Variants in KIF15 observed in about 807,000 individuals in gnomAD.
KIF15 encodes the protein kinesin family member 15, also known as kinesin-like protein KIF15.
KIF15 carries 140 observed loss-of-function variants against 190.6 expected under a neutral mutation model. The ratio of observed to expected loss-of-function variants is 0.73; its 90% CI spans 0.64 to 0.84. The LOEUF is 0.84. Ranked by LOEUF, KIF15 falls within the 40% of genes least tolerant of loss-of-function variation. KIF15 has a pLI of 0.00. For missense variants in KIF15, 1,372 were observed against 1,584.4 expected, an observed-to-expected ratio of 0.87 and a Z score of 2.28; for synonymous variants, 528 against 551.3, an observed-to-expected ratio of 0.96 and a Z score of 0.59.
At chr3:44,792,900 ATACAT>A (rs1365300607) in intron 7 of KIF15, among the ~76,000 whole-genome samples, 1 of 152,134 alleles carries the variant, frequency 6.6e-6, no homozygotes, top group East Asian at 1.9e-4. Context: ...CTTCTTTTGT[ATACAT>A]TATTTTACTT....
Position 44,805,991 on chromosome 3 carries a change from G to A in KIF15, c.1971+5G>A, listed in dbSNP as rs1424724859. ...ATTCATGCTGAAACACTTAAGGTAG[G>A]TCATCTGAACAATACCTCCACCTTA... On this transcript the variant is annotated splice_donor_5th_base_variant and intron_variant, in intron 16 of 34. Transcript: ENST00000326047. 6.2e-7 allele frequency: 1 copy of A among 1,612,872 alleles called. No individual in the cohort carries two copies. The highest frequency in any genetic ancestry group is 8.5e-7 in the Non-Finnish European group (1 of 1,179,634).
At chr3:44,780,608 G>C (rs1706117156) in intron 4 of KIF15, among the ~76,000 whole-genome samples, 1 of 152,162 alleles carries the variant, frequency 6.6e-6, no homozygotes, top group Admixed American at 6.5e-5. Context: ...GCAGTATGAA[G>C]AGCATCATCC....
chr3:44,802,719 G>A (rs1206714691), intron 13 of KIF15, 95 bp from the exon 14 acceptor site: 3 of 1,255,220 alleles, frequency 2.4e-6, no homozygotes, highest in African/African-American at 3.0e-5. Context: ...AGTAGTGCAT[G>A]TGCATACCTA....
Position 44,801,955 on chromosome 3 carries a change from T to A in KIF15, c.1490T>A (p.Ile497Asn). The stretch of plus-strand genomic sequence containing the variant: ...TTGCTCTCAGAATTAAGGAATGAGA[T>A]TCAAACTCTGCGAGAACAAGTGAGT... Reference protein sequence around the residue: ...DRLLSELRNEIQTLREQIEHH... With the variant: ...DRLLSELRNENQTLREQIEHH... Residue 497 changes from isoleucine (I) to asparagine (N), a missense_variant, in exon 13 of 35, where the codon ATT becomes AAT. Coordinates refer to ENST00000326047, the MANE Select transcript of KIF15 (RefSeq NM_020242.3). 2 of 1,610,764 alleles carry A rather than the reference T, an allele frequency of 1.2e-6. No homozygotes were observed. Among genetic ancestry groups the A allele is most frequent in the Non-Finnish European group, 1.7e-6 (2 of 1,177,420 alleles).
chr3:44,866,760 A>G (rs1469423292), intron 6 of KIF15, among the ~76,000 whole-genome samples: 1 of 152,146 alleles, frequency 6.6e-6, no homozygotes, highest in African/African-American at 2.4e-5. Context: ...CACCACTCCA[A>G]CAAGAGTTCT....
At chr3:44,780,797 T>G in intron 4 of KIF15, 88 bp from the exon 5 acceptor site, 1 of 804,946 alleles carries the variant, frequency 1.2e-6, no homozygotes, top group Non-Finnish European at 2.0e-6. Context: ...TAACTTTTTG[T>G]GGAGAAAACT....
At chr3:44,849,600 A>G (rs1559595130) in intron 32 of KIF15, among the ~76,000 whole-genome samples, 2 of 152,060 alleles carry the variant, frequency 1.3e-5, no homozygotes. Flanking sequence ...AAAATTTTAC[A>G]TTTTTCCTTT....
intron 26 of KIF15, 53 bp downstream of exon 26, chr3:44,831,071 G>C: frequency 1.3e-6 from 2 of 1,548,388 alleles, no homozygotes; most frequent in Non-Finnish European, 1.8e-6. Flanking sequence ...TTGTCAATAT[G>C]TGTATTTGTG....
In KIF15 at chr3:44,778,201, T is replaced by TG; in HGVS notation, c.323+11dup. On this transcript the variant is annotated intron_variant, in intron 4 of 34. Coordinates refer to ENST00000326047, the MANE Select transcript of KIF15 (RefSeq NM_020242.3). Reference sequence around the variant, plus strand: ...GTACCATCTTTGCATAGTAAGTTGTTGACTGTGTCCTTATACATAGTACAT... The same window carrying TG: ...GTACCATCTTTGCATAGTAAGTTGTTGGACTGTGTCCTTATACATAGTACAT... The TG allele has an allele frequency of 6.2e-7, 1 of 1,602,398 alleles. No individual in the cohort carries two copies. Among genetic ancestry groups the TG allele is most frequent in the Non-Finnish European group, 8.6e-7 (1 of 1,169,240 alleles).
chr3:44,813,317 C>T, intron 19 of KIF15, 137 bp downstream of exon 19: 1 of 549,448 alleles, frequency 1.8e-6, no homozygotes, highest in South Asian at 2.6e-5. Flanking sequence ...AACCAGACTG[C>T]AGTTTGCATG....
chr3:44,824,095 G>A (rs914582807), intron 20 of KIF15, among the ~76,000 whole-genome samples: 18 of 152,154 alleles, frequency 1.2e-4, no homozygotes, highest in Non-Finnish European at 1.8e-4. Flanking sequence ...CTTCTGCATC[G>A]ATCCCGCTGG....
chr3:44,852,144 G>A (rs1436828920), intron 33 of KIF15, 64 bp from the exon 34 acceptor site: 1 of 1,553,580 alleles, frequency 6.4e-7, no homozygotes. Context: ...AAGAAATAAT[G>A]TGACTTTAAA....
intron 26 of KIF15, among the ~76,000 whole-genome samples, chr3:44,835,553 A>G (rs1379386714): frequency 1.3e-5 from 2 of 152,140 alleles, no homozygotes; most frequent in African/African-American, 2.4e-5. Context: ...CTCAAATCCC[A>G]GTATAAAAAA....
intron 16 of KIF15, among the ~76,000 whole-genome samples, chr3:44,808,257 C>T (rs972864931): frequency 6.6e-6 from 1 of 152,182 alleles, no homozygotes; most frequent in Non-Finnish European, 1.5e-5. Flanking sequence ...TGAAGCACCA[C>T]GGCATTCTCG....
chr3:44,823,911 A>G (rs912006475), intron 20 of KIF15, among the ~76,000 whole-genome samples: 3 of 152,188 alleles, frequency 2.0e-5, no homozygotes, highest in African/African-American at 7.2e-5. Flanking sequence ...TTCCAGGTAC[A>G]GTCTGTCATG....
At chr3:44,798,364 T>A (rs1223385862) in intron 10 of KIF15, among the ~76,000 whole-genome samples, 2 of 150,602 alleles carry the variant, frequency 1.3e-5, no homozygotes, top group Non-Finnish European at 3.0e-5. Flanking sequence ...TTTATTTATT[T>A]TTTATTTATT....
At chr3:44,767,739 C>CA (rs1705459374) in intron 1 of KIF15, among the ~76,000 whole-genome samples, 5 of 151,050 alleles carry the variant, frequency 3.3e-5, no homozygotes, top group African/African-American at 1.2e-4. Flanking sequence ...ACTAAAAATA[C>CA]AAAAAATTCT....
chr3:44,800,510 A>C, intron 11 of KIF15, 73 bp downstream of exon 11: 1 of 1,540,038 alleles, frequency 6.5e-7, no homozygotes, highest in Non-Finnish European at 8.8e-7. Context: ...TTGGTGATAG[A>C]CACAACACAA....
Position 44,786,439 on chromosome 3 carries a change from A to G in KIF15, c.504A>G (p.Glu168=). The G allele has an allele frequency of 1.2e-6, 2 of 1,611,386 alleles. No homozygotes were observed. The highest frequency in any genetic ancestry group is 1.7e-6 in the Non-Finnish European group (2 of 1,178,206). Residue 168 remains glutamate (E), a synonymous_variant, in exon 7 of 35, where the codon GAA becomes GAG. Transcript: ENST00000326047. The part of the protein sequence containing the change: ...KSFLCKCSFI[E]IYNEQIYDLL... ...TCCTTTGTAAGTGTTCCTTTATTGA[A>G]ATCTACAACGAGCAGATATATGATC... is the stretch of plus-strand genomic sequence containing the variant.
Sources: allele counts gnomAD v4.1 joint callset (sites outside exome capture counted in the v4.1 genomes callset), GRCh38; gene constraint gnomAD v4.1.1; transcripts MANE v1.5; gene names NCBI Gene and HGNC (gene_info 2026-07-23, HGNC 2026-07-21).